Variants in SLC20A2 observed in about 807,000 individuals in gnomAD.
SLC20A2 encodes sodium-dependent phosphate transporter 2.
A neutral mutation model predicts 61.0 loss-of-function variants in SLC20A2; 30 were observed. That is an observed-to-expected ratio of 0.49 (90% CI 0.37 to 0.67). SLC20A2 has a LOEUF of 0.67. Ranked by LOEUF, SLC20A2 falls within the 30% of genes least tolerant of loss-of-function variation. The pLI is 0.00. For synonymous variants in SLC20A2, 351 were observed against 353.3 expected, an observed-to-expected ratio of 0.99 and a Z score of 0.07; for missense variants, 626 against 866.4, an observed-to-expected ratio of 0.72 and a Z score of 3.48.
rs111452807 is a variant in SLC20A2, at chr8:42,436,746, C to A, written c.1523+243G>T. Reference sequence around the variant, plus strand: ...TCACCGGCCAGCCCTTCCCTGGAAGCCCAGGTCGCACTGCCATCCTGGCGG... The same window carrying A: ...TCACCGGCCAGCCCTTCCCTGGAAGACCAGGTCGCACTGCCATCCTGGCGG... On this transcript the variant is annotated intron_variant, in intron 8 of 10. Coordinates refer to ENST00000520262, the MANE Select transcript of SLC20A2 (RefSeq NM_001257180.2). 2.1e-3 allele frequency among the ~76,000 whole-genome samples: 316 copies of A among 152,352 alleles called. 1 individual carries two copies. The highest frequency in any genetic ancestry group is 7.4e-3 in the African/African-American group (309 of 41,588).
chr8:42,421,597 G>C (rs1803042151), intron 10 of SLC20A2, among the ~76,000 whole-genome samples: 1 of 152,190 alleles, frequency 6.6e-6, no homozygotes, highest in African/African-American at 2.4e-5. Flanking sequence ...CTGAGGTCAG[G>C]AGTTCGAGAC....
intron 1 of SLC20A2, among the ~76,000 whole-genome samples, chr8:42,533,569 T>C (rs1812482538): frequency 6.6e-6 from 1 of 151,562 alleles, no homozygotes; most frequent in Non-Finnish European, 1.5e-5. Context: ...AGTAGGTTTA[T>C]ATTTACCGAG....
At position 42,491,406 on chromosome 8, in the gene SLC20A2, A is replaced by G. The variant is rs140361746; in HGVS notation, c.-265+9625T>C. 7.8e-3 allele frequency among the ~76,000 whole-genome samples: 1,194 copies of G among 152,120 alleles called. 14 individuals carry two copies. The highest frequency in any genetic ancestry group is 0.018 in the African/African-American group (730 of 41,488). On this transcript the variant is annotated intron_variant, in intron 1 of 10. Coordinates refer to ENST00000520262, the MANE Select transcript of SLC20A2 (RefSeq NM_001257180.2). ...TGTAATCCCAGCTACTCAAGAGGCT[A>G]AGGCAGGAGAATCGCTTAAACCAGG...
intron 1 of SLC20A2, among the ~76,000 whole-genome samples, chr8:42,485,881 G>T (rs1312791147): frequency 6.6e-6 from 1 of 151,622 alleles, no homozygotes. Flanking sequence ...GGGAGGCGGA[G>T]GTTGCAGTGA....
At chr8:42,467,838 G>A (rs1807304214) in intron 2 of SLC20A2, among the ~76,000 whole-genome samples, 1 of 152,090 alleles carries the variant, frequency 6.6e-6, no homozygotes, top group African/African-American at 2.4e-5. Context: ...GGGGACTAGT[G>A]GTTTTAAAAA....
intron 1 of SLC20A2, among the ~76,000 whole-genome samples, chr8:42,492,476 C>G (rs929346760): frequency 1.3e-5 from 2 of 151,978 alleles, no homozygotes; most frequent in Admixed American, 1.3e-4. Context: ...TAGAAAGACA[C>G]GAGATGATGA....
chr8:42,447,324 C>A (rs1314714631), intron 5 of SLC20A2, among the ~76,000 whole-genome samples: 5 of 146,078 alleles, frequency 3.4e-5, no homozygotes, highest in Non-Finnish European at 4.5e-5. Context: ...CCAGCCTGGG[C>A]AACAGAGTGA....
chr8:42,486,998 C>T (rs550315550), intron 1 of SLC20A2, among the ~76,000 whole-genome samples: 3 of 151,992 alleles, frequency 2.0e-5, no homozygotes, highest in East Asian at 1.9e-4. Flanking sequence ...TCCCGGGTAG[C>T]TGGGATTACA....
chr8:42,474,856 G>A (rs78276677), intron 1 of SLC20A2, among the ~76,000 whole-genome samples: 11,575 of 151,190 alleles, frequency 0.077, 1,384 homozygotes, highest in African/African-American at 0.26. Flanking sequence ...CACAGCCGGC[G>A]GGACATGGTG....
intron 4 of SLC20A2, among the ~76,000 whole-genome samples, chr8:42,462,231 T>C (rs1464094801): frequency 6.6e-6 from 1 of 152,064 alleles, no homozygotes; most frequent in Non-Finnish European, 1.5e-5. Flanking sequence ...AATATGAGTG[T>C]TCCTGGTCCC....
At position 42,428,151 on chromosome 8, in the gene SLC20A2, ACTGGTCTTCAGGGCTCCTCC is replaced by A. The variant is rs1803554787; in HGVS notation, c.1794+587_1794+606del. 2.6e-5 allele frequency among the ~76,000 whole-genome samples: 4 copies of A among 152,084 alleles called. No homozygotes were observed. The South Asian group carries it at 8.3e-4, about 32-fold the overall frequency. On this transcript the variant is annotated intron_variant, in intron 10 of 10. Transcript: ENST00000520262. ...AACTCCCGGAACCCATTTCCTCTTC[ACTGGTCTTCAGGGCTCCTCC>A]CTGCAGCTCCAACTTTCCACACCAT...
rs190245897 is a variant in SLC20A2 at position 42,447,405 on chromosome 8, C to T, written c.614-2643G>A. Among the ~76,000 whole-genome samples, 263 of 149,764 alleles carry T rather than the reference C, an allele frequency of 1.8e-3. 2 individuals carry two copies. Among genetic ancestry groups the T allele is most frequent in the Middle Eastern group, 0.015 (4 of 266 alleles). ...AATTAACATACATTTGGGCTGGGTGCGGTGGCTCATGCCTGTAATCCCAGC... is the reference window on the plus strand; with the variant it reads ...AATTAACATACATTTGGGCTGGGTGTGGTGGCTCATGCCTGTAATCCCAGC... On this transcript the variant is annotated intron_variant, in intron 5 of 10. Coordinates refer to ENST00000520262, the MANE Select transcript of SLC20A2 (RefSeq NM_001257180.2).
intron 2 of SLC20A2, among the ~76,000 whole-genome samples, chr8:42,466,430 T>C (rs111526880): frequency 0.021 from 3,141 of 152,354 alleles, 105 homozygotes; most frequent in African/African-American, 0.072. Flanking sequence ...ACACACTGAC[T>C]GCCCTTGTCA....
At chr8:42,505,732 T>C (rs1586228137), upstream of SLC20A2, among the ~76,000 whole-genome samples, 1 of 151,728 alleles carries the variant, frequency 6.6e-6, no homozygotes, top group Non-Finnish European at 1.5e-5. Context: ...ACCCCGTCTC[T>C]ACAAAAAACT....
chr8:42,426,585 A>C (rs1050938613), intron 10 of SLC20A2, among the ~76,000 whole-genome samples: 1 of 152,058 alleles, frequency 6.6e-6, no homozygotes, highest in South Asian at 2.1e-4. Flanking sequence ...AATCTCAGCT[A>C]CCCGGAGGCT....
At chr8:42,426,864 G>A (rs1429838836) in intron 10 of SLC20A2, among the ~76,000 whole-genome samples, 1 of 152,178 alleles carries the variant, frequency 6.6e-6, no homozygotes, top group African/African-American at 2.4e-5. Flanking sequence ...AAAGTCATAA[G>A]CCCGTGTCCT....
intron 10 of SLC20A2, among the ~76,000 whole-genome samples, chr8:42,423,259 T>A (rs1161954556): frequency 6.6e-6 from 1 of 152,082 alleles, no homozygotes; most frequent in African/African-American, 2.4e-5. Flanking sequence ...TACATTCTTA[T>A]TTCAATATAT....
rs554478904 is a variant in SLC20A2, at chr8:42,448,122, G to C, written c.614-3360C>G. On this transcript the variant is annotated intron_variant, in intron 5 of 10. Coordinates refer to ENST00000520262, the MANE Select transcript of SLC20A2 (RefSeq NM_001257180.2). ...CGAATGGTACCCGCTCTTTACCAACGTCAAACTAACAACTGACGCCAACAC... is the reference window on the plus strand; with the variant it reads ...CGAATGGTACCCGCTCTTTACCAACCTCAAACTAACAACTGACGCCAACAC... 9.2e-5 allele frequency among the ~76,000 whole-genome samples: 14 copies of C among 152,306 alleles called. No homozygotes were observed. The South Asian group carries it at 2.9e-3, about 32-fold the overall frequency.
At chr8:42,510,175 T>C (rs1810950247) in intron 1 of SLC20A2, among the ~76,000 whole-genome samples, 1 of 152,172 alleles carries the variant, frequency 6.6e-6, no homozygotes, top group East Asian at 1.9e-4. Context: ...AGGAAAGTAC[T>C]AAGGATAGTT....
Sources: allele counts gnomAD v4.1 joint callset (sites outside exome capture counted in the v4.1 genomes callset), GRCh38; gene constraint gnomAD v4.1.1; transcripts MANE v1.5; gene names NCBI Gene and HGNC (gene_info 2026-07-23, HGNC 2026-07-21).